The following NINJ1 variants were observed in gnomAD, a reference collection of about 807,000 sequenced individuals.
The protein encoded by NINJ1 is ninjurin-1.
In NINJ1, 6 loss-of-function variants were observed where a neutral mutation model predicts 12.7. That is an observed-to-expected ratio of 0.47 (90% CI 0.26 to 0.93). The LOEUF is 0.93. NINJ1 is among the 40% of genes least tolerant of loss of function. The pLI is 0.15. For missense variants in NINJ1, 170 were observed against 213.0 expected, an observed-to-expected ratio of 0.80 and a Z score of 1.26; for synonymous variants, 100 against 96.0, an observed-to-expected ratio of 1.04 and a Z score of -0.25.
chr9:93,127,047 G>A (rs1027634477), intron 1 of NINJ1, among the ~76,000 whole-genome samples: 14 of 152,034 alleles, frequency 9.2e-5, no homozygotes, highest in African/African-American at 3.1e-4. Context: ...GTGACGTGTG[G>A]GCGGACAGAT....
intron 1 of NINJ1, among the ~76,000 whole-genome samples, chr9:93,133,616 C>A: frequency 6.6e-6 from 1 of 152,228 alleles, no homozygotes. Context: ...GGGACCACAG[C>A]GGGCCCCAAG....
intron 3 of NINJ1, among the ~76,000 whole-genome samples, chr9:93,122,704 T>C (rs1214342685): frequency 6.6e-6 from 1 of 152,166 alleles, no homozygotes; most frequent in Non-Finnish European, 1.5e-5. Context: ...TGGGCAGCTG[T>C]GACCATAGCC....
intron 1 of NINJ1, among the ~76,000 whole-genome samples, chr9:93,126,884 A>G (rs1438551716): frequency 6.6e-6 from 1 of 152,106 alleles, no homozygotes; most frequent in Non-Finnish European, 1.5e-5. Flanking sequence ...ACCTTAGCAC[A>G]CGCACTCTGA....
chr9:93,128,647 AC>A (rs1253108254), intron 1 of NINJ1, among the ~76,000 whole-genome samples: 1 of 152,144 alleles, frequency 6.6e-6, no homozygotes, highest in African/African-American at 2.4e-5. Context: ...AGTTTCACAA[AC>A]CTCAAGTGCC....
At chr9:93,132,194 G>C (rs1485923239) in intron 1 of NINJ1, among the ~76,000 whole-genome samples, 1 of 152,236 alleles carries the variant, frequency 6.6e-6, no homozygotes, top group Non-Finnish European at 1.5e-5. Context: ...TCTTGAGGTT[G>C]GGAAGAGGAA....
At chr9:93,134,074 C>G (rs1204596849) in intron 1 of NINJ1, 69 bp downstream of exon 1, 7 of 1,286,150 alleles carry the variant, frequency 5.4e-6, no homozygotes, top group South Asian at 4.4e-5. Flanking sequence ...CACAGGTGCC[C>G]GGGGAGCCGC....
chr9:93,125,868 A>G (rs1361027982), intron 2 of NINJ1: 1 of 157,580 alleles, frequency 6.3e-6, no homozygotes, highest in Non-Finnish European at 1.4e-5. Context: ...GTGAGCTGTG[A>G]TCAAGACACA....
chr9:93,134,077 G>A, intron 1 of NINJ1, 66 bp downstream of exon 1: 11 of 1,311,204 alleles, frequency 8.4e-6, no homozygotes, highest in Non-Finnish European at 1.1e-5. Context: ...AGGTGCCCGG[G>A]GAGCCGCGGC....
intron 1 of NINJ1, 53 bp from the exon 2 acceptor site, chr9:93,126,691 G>A (rs1827816923): frequency 6.9e-7 from 1 of 1,457,044 alleles, no homozygotes; most frequent in Admixed American, 1.8e-5. Context: ...GGCAAGGGCT[G>A]TGCCTGAGTC....
intron 1 of NINJ1, among the ~76,000 whole-genome samples, chr9:93,129,914 G>A (rs1438154453): frequency 1.3e-5 from 2 of 152,282 alleles, no homozygotes; most frequent in Admixed American, 1.3e-4. Flanking sequence ...GTCCCAGGGA[G>A]GACGATCCCA....
chr9:93,124,146 C>T (rs1827775113), intron 3 of NINJ1, among the ~76,000 whole-genome samples: 1 of 152,212 alleles, frequency 6.6e-6, no homozygotes, highest in Non-Finnish European at 1.5e-5. Context: ...GTGAGGTGGG[C>T]ATGTCAGGCA....
intron 1 of NINJ1, among the ~76,000 whole-genome samples, 177 bp from the exon 2 acceptor site, chr9:93,126,815 A>G (rs1165482835): frequency 6.6e-6 from 1 of 152,196 alleles, no homozygotes; most frequent in Non-Finnish European, 1.5e-5. Flanking sequence ...GCATGTGCTC[A>G]GCCTTTATAA....
At chr9:93,128,207 G>A (rs1827840889) in intron 1 of NINJ1, among the ~76,000 whole-genome samples, 1 of 152,172 alleles carries the variant, frequency 6.6e-6, no homozygotes, top group South Asian at 2.1e-4. Flanking sequence ...GCCCTGGTGT[G>A]CTCTCGGGTC....
At chr9:93,124,566 C>T (rs1827781838) in intron 3 of NINJ1, among the ~76,000 whole-genome samples, 1 of 135,388 alleles carries the variant, frequency 7.4e-6, no homozygotes, top group South Asian at 2.4e-4. Flanking sequence ...TGAGCCACCG[C>T]GCCTGACCCA....
At chr9:93,129,772 G>T (rs544819808) in intron 1 of NINJ1, among the ~76,000 whole-genome samples, 1 of 152,362 alleles carries the variant, frequency 6.6e-6, no homozygotes, top group African/African-American at 2.4e-5. Context: ...AGCATAGCTG[G>T]CAACCACCCC....
chr9:93,126,079 C>T, intron 2 of NINJ1: 1 of 325,728 alleles, frequency 3.1e-6, no homozygotes, highest in South Asian at 5.2e-5. Flanking sequence ...CGCCTGTAAT[C>T]CCAGTTACTT....
chr9:93,126,667 G>A lies in NINJ1; in HGVS notation c.76-29C>T, dbSNP rs752654951. Reference sequence around the variant, plus strand: ...CAGGGAGGGGAATGGTCAGCAAGGCGGGTGGGGGAGGGGGGCAAGGGCTGT... The same window carrying A: ...CAGGGAGGGGAATGGTCAGCAAGGCAGGTGGGGGAGGGGGGCAAGGGCTGT... On this transcript the variant is annotated intron_variant, in intron 1 of 3. Coordinates refer to ENST00000375446, the MANE Select transcript of NINJ1 (RefSeq NM_004148.4). 37 of 1,546,342 alleles carry A rather than the reference G, an allele frequency of 2.4e-5. No homozygotes were observed. In the East Asian group the frequency reaches 5.0e-4, roughly 21 times the overall value.
intron 1 of NINJ1, among the ~76,000 whole-genome samples, chr9:93,127,828 C>A (rs1409312729): frequency 6.6e-6 from 1 of 152,204 alleles, no homozygotes; most frequent in African/African-American, 2.4e-5. Flanking sequence ...TTTCCAGACT[C>A]ATGAAAGATG....
rs1485543386 is a variant in NINJ1 at position 93,126,616 on chromosome 9, T to C, written c.98A>G (p.His33Arg). Residue 33 changes from histidine to arginine, a missense_variant, in exon 2 of 4, where the codon CAC (histidine) becomes CGC (arginine). Physicochemically the swap from His to Arg is conservative, Grantham distance 29. Coordinates refer to ENST00000375446, the MANE Select transcript of NINJ1 (RefSeq NM_004148.4). The stretch of plus-strand genomic sequence containing the variant: ...GTAATGGTTCACGTTGATGGGCCCG[T>C]GCCTCCAGCCCCAGCGGGCCGGCTG... ...DASPARWGWR[H>R]GPINVNHYAS... 1.3e-6 allele frequency: 2 copies of C among 1,589,352 alleles called. No individual in the cohort carries two copies. The highest frequency in any genetic ancestry group is 4.6e-5 in the East Asian group (2 of 43,340).
Sources: allele counts gnomAD v4.1 joint callset (sites outside exome capture counted in the v4.1 genomes callset), GRCh38; gene constraint gnomAD v4.1.1; transcripts MANE v1.5; gene names NCBI Gene and HGNC (gene_info 2026-07-23, HGNC 2026-07-21).